Variants in NEGR1 observed in about 807,000 individuals in gnomAD.
The protein encoded by NEGR1 is neuronal growth regulator 1.
NEGR1 carries 10 observed loss-of-function variants against 40.9 expected under a neutral mutation model. That is an observed-to-expected ratio of 0.24 (90% confidence interval 0.15 to 0.42). The LOEUF is 0.42. NEGR1 is among the 10% of genes least tolerant of loss of function. The pLI is 1.00. For synonymous variants in NEGR1, 185 were observed against 166.8 expected, an observed-to-expected ratio of 1.11 and a Z score of -0.84; for missense variants, 352 against 438.9, an observed-to-expected ratio of 0.80 and a Z score of 1.77.
chr1:72,280,644 T>C (rs1024637225), intron 1 of NEGR1, among the ~76,000 whole-genome samples: 2 of 152,206 alleles, frequency 1.3e-5, no homozygotes, highest in Admixed American at 1.3e-4. Context: ...TTGTATATAG[T>C]GGCATTTGTT....
At chr1:71,616,948 T>C (rs985897389) in intron 4 of NEGR1, among the ~76,000 whole-genome samples, 1 of 152,228 alleles carries the variant, frequency 6.6e-6, no homozygotes, top group Non-Finnish European at 1.5e-5. Flanking sequence ...AAGCCCACTT[T>C]GTATAATGTG....
chr1:71,623,768 G>A (rs1454154489), intron 4 of NEGR1, among the ~76,000 whole-genome samples: 2 of 151,962 alleles, frequency 1.3e-5, no homozygotes, highest in East Asian at 3.9e-4. Context: ...AGAAAGAGTA[G>A]TATGGGTGTA....
At chr1:71,464,472 T>G (rs1276857644) in intron 6 of NEGR1, among the ~76,000 whole-genome samples, 2 of 152,070 alleles carry the variant, frequency 1.3e-5, no homozygotes, top group Admixed American at 1.3e-4. Flanking sequence ...TAATTATAGC[T>G]TTATCCACAT....
At chr1:71,822,362 A>T (rs1047999721) in intron 2 of NEGR1, among the ~76,000 whole-genome samples, 1 of 152,012 alleles carries the variant, frequency 6.6e-6, no homozygotes, top group African/African-American at 2.4e-5. Flanking sequence ...GAGGCATTTA[A>T]CAACCAAGTG....
chr1:71,873,905 G>C (rs1246973697), intron 2 of NEGR1, among the ~76,000 whole-genome samples: 3 of 152,148 alleles, frequency 2.0e-5, no homozygotes, highest in Admixed American at 1.3e-4. Context: ...AGATACTCAA[G>C]ACAGTAGCAA....
chr1:71,847,283 CATA>C (rs1659451544), intron 2 of NEGR1, among the ~76,000 whole-genome samples: 1 of 152,178 alleles, frequency 6.6e-6, no homozygotes, highest in African/African-American at 2.4e-5. Flanking sequence ...CTGTGTACAA[CATA>C]ATGTTTTGAA....
At position 71,440,839 on chromosome 1, in the gene NEGR1, G is replaced by A. The variant is rs140888292; in HGVS notation, c.941-33269C>T. Among the ~76,000 whole-genome samples the A allele has an allele frequency of 2.1e-3, 313 of 152,298 alleles. 1 individual carries two copies. The highest frequency in any genetic ancestry group is 7.2e-3 in the African/African-American group (301 of 41,562). On this transcript the variant is annotated intron_variant, in intron 6 of 6. Transcript: ENST00000357731. ...TGAAAGAACAAAGTCTTGTGTGTCT[G>A]GGTTTAGATCAGTCCTATAATCTCA...
chr1:72,001,216 AC>A (rs1194642901), intron 1 of NEGR1, among the ~76,000 whole-genome samples: 1 of 151,674 alleles, frequency 6.6e-6, no homozygotes, highest in Non-Finnish European at 1.5e-5. Flanking sequence ...TTTTTTCAGG[AC>A]CCCTCTCTGC....
chr1:71,594,856 T>G (rs1191055317), intron 5 of NEGR1, among the ~76,000 whole-genome samples: 1 of 152,222 alleles, frequency 6.6e-6, no homozygotes, highest in Non-Finnish European at 1.5e-5. Context: ...GATAGACACA[T>G]TCTCCAGAGG....
At chr1:71,874,690 T>C (rs113759607) in intron 2 of NEGR1, among the ~76,000 whole-genome samples, 11 of 152,284 alleles carry the variant, frequency 7.2e-5, no homozygotes, top group African/African-American at 2.6e-4. Flanking sequence ...TTCTTAGATG[T>C]GTTTAGCATC....
In NEGR1 at chr1:71,597,656, C is replaced by T. The variant is rs539160623; in HGVS notation, c.789-4688G>A. Among the ~76,000 whole-genome samples the T allele has an allele frequency of 2.0e-5, 3 of 151,900 alleles. No individual in the cohort carries two copies. The East Asian group carries it at 5.8e-4, about 29-fold the overall frequency. On this transcript the variant is annotated intron_variant, in intron 5 of 6. Transcript: ENST00000357731. ...TTGTGGCTGGGCATGGTGGCTCACCCAGCACTTTGGGAGGCTGAGGCGGGT... is the reference window on the plus strand; with the variant it reads ...TTGTGGCTGGGCATGGTGGCTCACCTAGCACTTTGGGAGGCTGAGGCGGGT...
rs142645606 is a variant in NEGR1, at chr1:71,416,322, G to A, written c.941-8752C>T. Among the ~76,000 whole-genome samples the A allele has an allele frequency of 6.2e-4, 95 of 152,198 alleles. 2 individuals carry two copies. The East Asian group carries it at 0.014, about 23-fold the overall frequency. ...TCTTGTTTACTACATTTTATTCTTT[G>A]TATCTTTTGTGTTAGGAAGGTTACC... On this transcript the variant is annotated intron_variant, in intron 6 of 6. Coordinates refer to ENST00000357731, the MANE Select transcript of NEGR1 (RefSeq NM_173808.3).
At chr1:71,459,648 T>C (rs1646699972) in intron 6 of NEGR1, among the ~76,000 whole-genome samples, 1 of 152,182 alleles carries the variant, frequency 6.6e-6, no homozygotes, top group South Asian at 2.1e-4. Context: ...TGTCAGTAAG[T>C]TCAAATCCTG....
intron 6 of NEGR1, among the ~76,000 whole-genome samples, chr1:71,558,030 G>A (rs977195020): frequency 6.6e-6 from 1 of 151,546 alleles, no homozygotes; most frequent in Non-Finnish European, 1.5e-5. Flanking sequence ...GTATTTGAGA[G>A]AGGAATACCA....
chr1:72,148,305 G>A (rs1054954866), intron 1 of NEGR1, among the ~76,000 whole-genome samples: 10 of 152,084 alleles, frequency 6.6e-5, no homozygotes, highest in Admixed American at 1.3e-4. Context: ...TAGAAGCTGC[G>A]AAGGCTTGTG....
chr1:72,105,034 G>A (rs773362381), intron 1 of NEGR1, among the ~76,000 whole-genome samples: 1 of 152,060 alleles, frequency 6.6e-6, no homozygotes. Context: ...TTTGTTGGAA[G>A]ACTTTTTTCT....
chr1:71,818,898 C>A (rs1570390457), intron 2 of NEGR1, among the ~76,000 whole-genome samples: 2 of 151,974 alleles, frequency 1.3e-5, no homozygotes, highest in African/African-American at 4.8e-5. Flanking sequence ...TAACATGTTA[C>A]TACTAGAAGT....
At chr1:72,160,297 T>A (rs1219832335) in intron 1 of NEGR1, among the ~76,000 whole-genome samples, 2 of 152,154 alleles carry the variant, frequency 1.3e-5, no homozygotes, top group Non-Finnish European at 2.9e-5. Flanking sequence ...GAATATTATA[T>A]CAAAATACTT....
At chr1:71,700,721 C>A (rs903295085) in intron 3 of NEGR1, among the ~76,000 whole-genome samples, 2 of 151,876 alleles carry the variant, frequency 1.3e-5, no homozygotes, top group African/African-American at 4.8e-5. Flanking sequence ...CTATGGTAAC[C>A]AGAATAATAG....
Sources: gnomAD v4.1 joint callset for allele counts (sites outside exome capture counted in the v4.1 genomes callset) on GRCh38, gnomAD v4.1.1 for gene constraint, MANE v1.5 for transcripts, NCBI Gene and HGNC (gene_info 2026-07-23, HGNC 2026-07-21) for gene names.